Variants in RBMS2 observed in about 807,000 individuals in gnomAD.
RBMS2 encodes RNA-binding motif, single-stranded-interacting protein 2.
Under a neutral mutation model 58.4 loss-of-function variants are expected in RBMS2, and 38 were observed. The ratio of observed to expected loss-of-function variants is 0.65; its 90% CI spans 0.50 to 0.85. The LOEUF (loss-of-function observed/expected upper bound fraction) is 0.85, where lower values mean the gene tolerates loss of function less well. Ranked by LOEUF, RBMS2 falls within the 40% of genes least tolerant of loss-of-function variation. The probability of loss-of-function intolerance (pLI) is 0.00; values close to 1 mark genes in which losing one functional copy is unlikely to be tolerated. For synonymous variants in RBMS2, 151 were observed against 180.7 expected (o/e 0.84, Z 1.32); for missense variants, 367 against 503.7 (o/e 0.73, Z 2.60).
Position 56,589,820 on chromosome 12 carries a change from T to C in RBMS2, c.*687T>C, listed in dbSNP as rs974250228. ...ACTTTGCCCTTTTACAGCTTTTAAT[T>C]TTATGGATTTTTAAAAATGAAATTT... On this transcript the variant is annotated 3_prime_UTR_variant, in exon 14 of 14. Coordinates refer to ENST00000262031, the MANE Select transcript of RBMS2 (RefSeq NM_002898.4). 1.5e-4 allele frequency: 23 copies of C among 152,650 alleles called. No homozygotes were observed. The highest frequency in any genetic ancestry group is 5.6e-4 in the African/African-American group (23 of 41,418). The allele number at this position is 152,650 out of a possible 1,614,324, so 9.5% of individuals were successfully genotyped here.
intron 2 of RBMS2, 75 bp downstream of exon 2, chr12:56,562,658 G>A (rs118006674): frequency 0.013 from 18,905 of 1,474,798 alleles, 180 homozygotes; most frequent in South Asian, 0.019. Context: ...TCGTTATGTT[G>A]TCCAGGCTAG....
At chr12:56,582,754 C>T (rs1310943632) in intron 9 of RBMS2, among the ~76,000 whole-genome samples, 5 of 152,176 alleles carry the variant, frequency 3.3e-5, no homozygotes, top group East Asian at 3.9e-4. Flanking sequence ...CTGCAATCTC[C>T]GCCTCCTAGG....
At chr12:56,546,317 TAAA>T in intron 1 of RBMS2, among the ~76,000 whole-genome samples, 11 of 147,742 alleles carry the variant, frequency 7.4e-5, no homozygotes, top group African/African-American at 2.5e-4. Context: ...TAATACATTA[TAAA>T]AAATAATAAT....
intron 1 of RBMS2, among the ~76,000 whole-genome samples, chr12:56,544,831 C>T (rs1019657585): frequency 4.6e-4 from 65 of 140,060 alleles, no homozygotes; most frequent in Non-Finnish European, 1.4e-4. Flanking sequence ...TGGGCTCAAG[C>T]AATCCACCTG....
intron 5 of RBMS2, among the ~76,000 whole-genome samples, chr12:56,576,223 G>T (rs1363989881): frequency 6.6e-6 from 1 of 152,004 alleles, no homozygotes; most frequent in Non-Finnish European, 1.5e-5. Flanking sequence ...TGTAGTCCCA[G>T]GTACTCGGGA....
At chr12:56,589,071 C>G (rs1299544542) in intron 13 of RBMS2, 53 bp downstream of exon 13, 1 of 1,612,878 alleles carries the variant, frequency 6.2e-7, no homozygotes, top group Admixed American at 1.7e-5. Flanking sequence ...GACAGCAGCT[C>G]AGCCCGGCCT....
intron 1 of RBMS2, among the ~76,000 whole-genome samples, chr12:56,559,583 G>T (rs1448209792): frequency 6.6e-6 from 1 of 150,600 alleles, no homozygotes; most frequent in East Asian, 2.1e-4. Context: ...CGGGCGCGGT[G>T]GCTCATGCCT....
intron 1 of RBMS2, among the ~76,000 whole-genome samples, chr12:56,524,877 G>T (rs771005613): frequency 4.0e-5 from 6 of 151,092 alleles, no homozygotes; most frequent in African/African-American, 2.4e-5. Context: ...CCGCCACCAC[G>T]CCCAGCTAAT....
At chr12:56,571,910 G>T (rs1022772644) in intron 5 of RBMS2, 55 bp downstream of exon 5, 1 of 1,380,726 alleles carries the variant, frequency 7.2e-7, no homozygotes, top group Non-Finnish European at 9.5e-7. Flanking sequence ...GTCACTTGGG[G>T]GTCACCAGAA....
At chr12:56,581,341 CTG>C in intron 6 of RBMS2, 56 bp from the exon 7 acceptor site, 1 of 1,595,794 alleles carries the variant, frequency 6.3e-7, no homozygotes, top group Non-Finnish European at 8.6e-7. Flanking sequence ...CTTTGCATGA[CTG>C]TGCCTGGGCC....
chr12:56,552,590 G>T (rs981821384), intron 1 of RBMS2, among the ~76,000 whole-genome samples: 1 of 152,180 alleles, frequency 6.6e-6, no homozygotes, highest in African/African-American at 2.4e-5. Flanking sequence ...CAGGTGCAGT[G>T]GCTGACACTT....
upstream of RBMS2, among the ~76,000 whole-genome samples, chr12:56,521,500 C>CTTTTTTTTTTTTTTTT (rs1871713749): frequency 1.1e-5 from 1 of 92,472 alleles, no homozygotes; most frequent in Non-Finnish European, 2.1e-5. Context: ...CACTCTAACT[C>CTTTTTTTTTTTTTTTT]TGTTTTTTTT....
intron 1 of RBMS2, among the ~76,000 whole-genome samples, chr12:56,528,346 G>T (rs1592316759): frequency 6.6e-6 from 1 of 152,274 alleles, no homozygotes; most frequent in East Asian, 1.9e-4. Flanking sequence ...TGTAAAGGTG[G>T]TTGATGACTT....
intron 1 of RBMS2, among the ~76,000 whole-genome samples, chr12:56,557,090 G>T (rs949767248): frequency 2.0e-5 from 3 of 152,010 alleles, no homozygotes; most frequent in African/African-American, 7.3e-5. Flanking sequence ...ATGCTCTCTT[G>T]TTGAAGAATT....
At chr12:56,568,924 T>C (rs376877413) in intron 2 of RBMS2, 51 bp from the exon 3 acceptor site, 1 of 1,449,466 alleles carries the variant, frequency 6.9e-7, no homozygotes, top group African/African-American at 1.4e-5. Flanking sequence ...CTCTGTCCTA[T>C]TCTTAGTCTC....
At chr12:56,561,673 A>ATTT (rs113897566) in intron 1 of RBMS2, among the ~76,000 whole-genome samples, 5 of 129,814 alleles carry the variant, frequency 3.9e-5, no homozygotes, top group African/African-American at 1.4e-4. Flanking sequence ...CACCTGGCTA[A>ATTT]TTTTTTTTTT....
At chr12:56,522,440 C>T (rs1213422319) in intron 1 of RBMS2, among the ~76,000 whole-genome samples, 1 of 152,140 alleles carries the variant, frequency 6.6e-6, no homozygotes, top group Non-Finnish European at 1.5e-5. Flanking sequence ...CCAGTCCACC[C>T]CACCCCACAA....
intron 5 of RBMS2, among the ~76,000 whole-genome samples, chr12:56,578,811 A>T (rs183121998): frequency 6.6e-6 from 1 of 152,072 alleles, no homozygotes; most frequent in Non-Finnish European, 1.5e-5. Flanking sequence ...CTGAAAATAC[A>T]GCAATTAGCC....
intron 1 of RBMS2, among the ~76,000 whole-genome samples, chr12:56,544,437 A>G (rs954207540): frequency 6.6e-6 from 1 of 152,188 alleles, no homozygotes; most frequent in Non-Finnish European, 1.5e-5. Context: ...TCAGTAAAAT[A>G]TATTTATCCT....
Sources: gnomAD v4.1 joint callset for allele counts (sites outside exome capture counted in the v4.1 genomes callset) on GRCh38, gnomAD v4.1.1 for gene constraint, MANE v1.5 for transcripts, NCBI Gene and HGNC (gene_info 2026-07-23, HGNC 2026-07-21) for gene names.